TPMT: variants seen among roughly 807,000 people sequenced by gnomAD.
TPMT encodes the protein thiopurine S-methyltransferase, also known as S-adenosyl-L-methionine:thiopurine S-methyltransferase.
A neutral mutation model predicts 34.2 loss-of-function variants in TPMT; 18 were observed. The observed-to-expected ratio is 0.53, with a 90% confidence interval of 0.36 to 0.78. The LOEUF (loss-of-function observed/expected upper bound fraction) is 0.78, where lower values mean the gene tolerates loss of function less well. Among genes scored for constraint, TPMT ranks in the 30% least tolerant of loss-of-function variants. TPMT has a pLI of 0.00. For synonymous variants in TPMT, 69 were observed against 92.4 expected, an observed-to-expected ratio of 0.75 and a Z score of 1.45; for missense variants, 265 against 288.1, an observed-to-expected ratio of 0.92 and a Z score of 0.58.
rs1418279539 is a variant in TPMT, at chr6:18,133,823, A to G, written c.561T>C (p.Tyr187=). The G allele has an allele frequency of 5.0e-6, 8 of 1,610,782 alleles. No individual in the cohort carries two copies. The highest frequency in any genetic ancestry group is 2.2e-5 in the East Asian group (1 of 44,860). Residue 187 remains tyrosine (Y), a synonymous_variant, in exon 7 of 9, where the codon TAT becomes TAC. Transcript: ENST00000309983. ...KFQYLLCVLS[Y]DPTKHPGPPF... ...CTTTACCTGGATGTTTAGTTGGATC[A>G]TAAGAAAGAACACACAGGAGATACT... is the stretch of plus-strand genomic sequence containing the variant.
At position 18,139,702 on chromosome 6, in the gene TPMT, T is replaced by C. The variant is rs1217971473; in HGVS notation, c.382A>G (p.Ile128Val). The change falls in exon 5 of 9, where the codon ATT (isoleucine) becomes GTT (valine). Residue 128 changes from isoleucine to valine, a missense_variant. By Grantham distance (29) the Ile-to-Val change is conservative. Coordinates refer to ENST00000309983, the MANE Select transcript of TPMT (RefSeq NM_000367.5). This position sits in a 1 kb window ranked among gnomAD's most constrained non-coding sequence, Gnocchi z 4.2. ...AAAATACTGCAACAGTACAATGAAATGTTCCCCGAAGAACTCTGTAATGAA... is the reference window on the plus strand; with the variant it reads ...AAAATACTGCAACAGTACAATGAAACGTTCCCCGAAGAACTCTGTAATGAA... ...TKVFKSSSGN[I>V]SLYCCSIFDL... The C allele has an allele frequency of 1.2e-6, 2 of 1,612,650 alleles. No individual in the cohort carries two copies. Among genetic ancestry groups the C allele is most frequent in the Admixed American group, 1.7e-5 (1 of 59,752 alleles).
rs145605593 is a variant in TPMT at position 18,130,153 on chromosome 6, C to T, written c.*515G>A. The T allele has an allele frequency of 2.0e-3, 317 of 156,942 alleles. No homozygotes were observed. Among genetic ancestry groups the T allele is most frequent in the Non-Finnish European group, 3.7e-3 (262 of 71,586 alleles). 9.7% of individuals were successfully genotyped at this position (156,942 alleles called of 1,614,324 possible). A position where few individuals can be genotyped will look rare whatever the true frequency, so the allele number is the denominator to read the frequency against. ...ACAAAAAATTAGCTGGGCGTGGTGG[C>T]GCACACCTGTAATCCCAGCTACTCA... On this transcript the variant is annotated 3_prime_UTR_variant, in exon 9 of 9. Transcript: ENST00000309983. The surrounding 1 kb of genome is among the most constrained non-coding windows in gnomAD (Gnocchi z 4.2).
At chr6:18,147,799 C>G (rs752102315) in intron 3 of TPMT, 24 bp downstream of exon 3, 1 of 1,595,468 alleles carries the variant, frequency 6.3e-7, no homozygotes, top group South Asian at 1.1e-5. Flanking sequence ...CAAGATAATT[C>G]TGTTAATGTT....
At position 18,132,400 on chromosome 6, in the gene TPMT, A is replaced by G. The variant is rs1239726968; in HGVS notation, c.581-223T>C. On this transcript the variant is annotated intron_variant, in intron 7 of 8. Transcript: ENST00000309983. This position sits in a 1 kb window ranked among gnomAD's most constrained non-coding sequence, Gnocchi z 4.8. The stretch of plus-strand genomic sequence containing the variant: ...TTAGATGAGACAGCTAAACCGGTCA[A>G]GGGACTTAGGCTCATTGAAATCAGA... Among the ~76,000 whole-genome samples, 2 of 152,186 alleles carry G rather than the reference A, an allele frequency of 1.3e-5. No individual in the cohort carries two copies. The highest frequency in any genetic ancestry group is 2.4e-5 in the African/African-American group (1 of 41,458).
rs745865235 is a variant in TPMT at position 18,150,886 on chromosome 6, G to C, written c.-44-1715C>G. On this transcript the variant is annotated intron_variant, in intron 1 of 8. Coordinates refer to ENST00000309983, the MANE Select transcript of TPMT (RefSeq NM_000367.5). This position sits in a 1 kb window ranked among gnomAD's most constrained non-coding sequence, Gnocchi z 5.3. ...GCACTACCAGGTCCAGCTAATTTTT[G>C]TGTTTTTAATAGAGATGAGATTTGA... is the stretch of plus-strand genomic sequence containing the variant. Among the ~76,000 whole-genome samples the C allele has an allele frequency of 4.6e-5, 7 of 152,070 alleles. No homozygotes were observed. Among genetic ancestry groups the C allele is most frequent in the Non-Finnish European group, 8.8e-5 (6 of 68,016 alleles).
chr6:18,138,995 T>C lies in TPMT; in HGVS notation c.462A>G (p.Ala154=), dbSNP rs1784091788. 1 of 1,613,654 alleles carries C rather than the reference T, an allele frequency of 6.2e-7. No homozygotes were observed. Among genetic ancestry groups the C allele is most frequent in the Non-Finnish European group, 8.5e-7 (1 of 1,179,634 alleles). Residue 154 remains alanine (A), a synonymous_variant, in exon 6 of 9, where the codon GCA becomes GCG. Transcript: ENST00000309983. This position sits in a 1 kb window ranked among gnomAD's most constrained non-coding sequence, Gnocchi z 4.1. The stretch of plus-strand genomic sequence containing the variant: ...GATCACCTGGATTGATGGCAACTAA[T>C]GCTCCTCTATCCCAAATCATGTCAA... The part of the protein sequence containing the change: ...GKFDMIWDRG[A]LVAINPGDRK...
intron 1 of TPMT, among the ~76,000 whole-genome samples, chr6:18,152,594 T>TC (rs201978855): frequency 0.017 from 2,511 of 150,262 alleles, 37 homozygotes; most frequent in Non-Finnish European, 0.025. Flanking sequence ...TTTCTTTCTT[T>TC]TTTTTTTTTT....
In TPMT at chr6:18,130,768, T is replaced by C. The variant is rs1456044944; in HGVS notation, c.638A>G (p.Asn213Ser). 6.2e-7 allele frequency: 1 copy of C among 1,612,454 alleles called. No homozygotes were observed. The highest frequency in any genetic ancestry group is 8.5e-7 in the Non-Finnish European group (1 of 1,178,702). ...ATCAACCTTCTCAAGACAACGTATATTGCATATTTTACCTGAAACAAGAAA... is the reference window on the plus strand; with the variant it reads ...ATCAACCTTCTCAAGACAACGTATACTGCATATTTTACCTGAAACAAGAAA... ...EIERLFGKIC[N>S]IRCLEKVDAF... is the part of the protein sequence containing the mutation. The change falls in exon 9 of 9, where the codon AAT becomes AGT. Residue 213 changes from asparagine (N) to serine (S), a missense_variant. Coordinates refer to ENST00000309983, the MANE Select transcript of TPMT (RefSeq NM_000367.5). The surrounding 1 kb of genome is among the most constrained non-coding windows in gnomAD (Gnocchi z 4.2).
intron 6 of TPMT, among the ~76,000 whole-genome samples, chr6:18,137,424 T>G (rs1784062613): frequency 6.6e-6 from 1 of 152,066 alleles, no homozygotes; most frequent in Non-Finnish European, 1.5e-5. Context: ...CGTGAGCCAC[T>G]GCGCCCAGCC....
At chr6:18,134,165 T>A (rs566701766) in intron 6 of TPMT, among the ~76,000 whole-genome samples, 1 of 152,254 alleles carries the variant, frequency 6.6e-6, no homozygotes, top group South Asian at 2.1e-4. Context: ...TAAGGATGGG[T>A]AGAGACTCCT....
At chr6:18,144,013 C>A (rs943625212) in intron 3 of TPMT, among the ~76,000 whole-genome samples, 20 of 152,018 alleles carry the variant, frequency 1.3e-4, no homozygotes, top group African/African-American at 4.8e-4. Context: ...AGATATATAA[C>A]AAAATACTGA....
At chr6:18,141,474 G>C (rs1185906890) in intron 4 of TPMT, among the ~76,000 whole-genome samples, 1 of 151,860 alleles carries the variant, frequency 6.6e-6, no homozygotes, top group East Asian at 1.9e-4. Flanking sequence ...AGAGTAGCTA[G>C]GATTATAGGT....
rs1220441659 is a variant in TPMT, at chr6:18,133,883, T to C, written c.501A>G (p.Ala167=). 6.2e-7 allele frequency: 1 copy of C among 1,613,400 alleles called. No homozygotes were observed. Among genetic ancestry groups the C allele is most frequent in the South Asian group, 1.1e-5 (1 of 91,064 alleles). The change falls in exon 7 of 9, where the codon GCA becomes GCG. Residue 167 remains alanine, a synonymous_variant. Transcript: ENST00000309983. ...AINPGDRKCY[A]DTMFSLLGKK... The stretch of plus-strand genomic sequence containing the variant: ...TTCCCAGGAGGGAAAACATTGTATC[T>C]GCATAGCTACAAAGAACACAAGAAG...
rs114125544 is a variant in TPMT at position 18,132,068 on chromosome 6, C to G, written c.625+65G>C. 2,739 of 1,567,036 alleles carry G rather than the reference C, an allele frequency of 1.7e-3. 39 individuals carry two copies. In the African/African-American group the frequency reaches 0.033, roughly 19 times the overall value. On this transcript the variant is annotated intron_variant, in intron 8 of 8. Transcript: ENST00000309983. This position sits in a 1 kb window ranked among gnomAD's most constrained non-coding sequence, Gnocchi z 4.8. ...CTGGAAATACAGGCATGAGCCAGCA[C>G]GCCAGGCCCAAAAGAGTTAACTTGA... is the stretch of plus-strand genomic sequence containing the variant.
rs1262512798 is a variant in TPMT, at chr6:18,131,594, T to C, written c.625+539A>G. On this transcript the variant is annotated intron_variant, in intron 8 of 8. Transcript: ENST00000309983. The surrounding 1 kb of genome is among the most constrained non-coding windows in gnomAD (Gnocchi z 4.3). ...AGATCCTATCTCAAAAATAAACAAATAAAAAAAAATATACCATCTCTCTAG... is the reference window on the plus strand; with the variant it reads ...AGATCCTATCTCAAAAATAAACAAACAAAAAAAAATATACCATCTCTCTAG... 2.0e-5 allele frequency among the ~76,000 whole-genome samples: 3 copies of C among 150,812 alleles called. No individual in the cohort carries two copies. The highest frequency in any genetic ancestry group is 7.3e-5 in the African/African-American group (3 of 41,014).
Position 18,130,501 on chromosome 6 carries a change from T to G in TPMT, c.*167A>C. 1.7e-6 allele frequency: 1 copy of G among 579,662 alleles called. No individual in the cohort carries two copies. Among genetic ancestry groups the G allele is most frequent in the Non-Finnish European group, 3.1e-6 (1 of 323,610 alleles). The allele number at this position is 579,662 out of a possible 1,614,324, so 35.9% of individuals were successfully genotyped here. ...TAGTTACATCTTTTTCTTCTAAAAC[T>G]TTTTTAGAAAAAGTAAATGGCTTTA... On this transcript the variant is annotated 3_prime_UTR_variant, in exon 9 of 9. Coordinates refer to ENST00000309983, the MANE Select transcript of TPMT (RefSeq NM_000367.5). This position sits in a 1 kb window ranked among gnomAD's most constrained non-coding sequence, Gnocchi z 4.2.
At chr6:18,144,431 T>C (rs1266688133) in intron 3 of TPMT, among the ~76,000 whole-genome samples, 1 of 152,158 alleles carries the variant, frequency 6.6e-6, no homozygotes, top group Non-Finnish European at 1.5e-5. Context: ...CTGGATGGAG[T>C]GCAATGGCAC....
chr6:18,148,144 T>C lies in TPMT; in HGVS notation c.141-229A>G, dbSNP rs559945608. 5.5e-4 allele frequency among the ~76,000 whole-genome samples: 83 copies of C among 152,286 alleles called. No homozygotes were observed. The highest frequency in any genetic ancestry group is 1.9e-3 in the African/African-American group (80 of 41,552). On this transcript the variant is annotated intron_variant, in intron 2 of 8. Transcript: ENST00000309983. This position sits in a 1 kb window ranked among gnomAD's most constrained non-coding sequence, Gnocchi z 4.1. ...CCTGATTAGTAATTAAAAATAATTT[T>C]TTTTTCTTGGGGATGTTTTGAAAAT...
rs1326202944 is a variant in TPMT, at chr6:18,129,356, T to C, written c.*1312A>G. The C allele has an allele frequency of 6.6e-6, 1 of 152,202 alleles. No homozygotes were observed. The highest frequency in any genetic ancestry group is 1.5e-5 in the Non-Finnish European group (1 of 68,044). 9.4% of individuals were successfully genotyped at this position (152,202 alleles called of 1,614,324 possible). A position where few individuals can be genotyped will look rare whatever the true frequency, so the allele number is the denominator to read the frequency against. ...GGGAACTAGAGAGGCTGACAAGACATATCTCTGGGGAGAGTACCGTAGCTT... is the reference window on the plus strand; with the variant it reads ...GGGAACTAGAGAGGCTGACAAGACACATCTCTGGGGAGAGTACCGTAGCTT... On this transcript the variant is annotated 3_prime_UTR_variant, in exon 9 of 9. Coordinates refer to ENST00000309983, the MANE Select transcript of TPMT (RefSeq NM_000367.5).
Sources: gnomAD v4.1 joint callset for allele counts (sites outside exome capture counted in the v4.1 genomes callset) on GRCh38, gnomAD v4.1.1 for gene constraint, Gnocchi (gnomAD v3.1) non-coding constraint, MANE v1.5 for transcripts, NCBI Gene and HGNC (gene_info 2026-07-23, HGNC 2026-07-21) for gene names.